Variants in TNK2 observed in about 807,000 individuals in gnomAD.
TNK2 encodes activated CDC42 kinase 1.
A neutral mutation model predicts 101.8 loss-of-function variants in TNK2; 83 were observed. The ratio of observed to expected loss-of-function variants is 0.82; its 90% CI spans 0.68 to 0.98. The LOEUF (loss-of-function observed/expected upper bound fraction) is 0.98, where lower values mean the gene tolerates loss of function less well. Ranked by LOEUF, TNK2 falls within the 50% of genes least tolerant of loss-of-function variation. TNK2 has a pLI of 0.00. For missense variants in TNK2, 1,665 were observed against 1,483.2 expected (o/e 1.12, Z -2.01); for synonymous variants, 804 against 633.0 (o/e 1.27, Z -4.06).
chr3:195,886,983 C>T lies in TNK2; in HGVS notation c.228G>A (p.Met76Ile). The T allele has an allele frequency of 1.2e-6, 2 of 1,601,632 alleles. No individual in the cohort carries two copies. The highest frequency in any genetic ancestry group is 1.7e-6 in the Non-Finnish European group (2 of 1,172,892). ...CACCCACCTCCTCACCCACCTTACT[C>T]ATCCACGACTTGCGTTTGCACAAGG... Reference protein sequence around the residue: ...RKALCKRKSWMSKVFSGKRLE... With the variant: ...RKALCKRKSWISKVFSGKRLE... The change falls in exon 3 of 16, where the codon ATG (methionine) becomes ATA (isoleucine). Residue 76 changes from methionine (M) to isoleucine (I), a missense_variant. Physicochemically the swap from Met to Ile is conservative, Grantham distance 10. Coordinates refer to ENST00000672887, the MANE Select transcript of TNK2 (RefSeq NM_001382273.1). The surrounding 1 kb of genome is among the most constrained non-coding windows in gnomAD (Gnocchi z 4.2).
chr3:195,866,472 G>A (rs1401036760), intron 15 of TNK2, among the ~76,000 whole-genome samples: 1 of 152,212 alleles, frequency 6.6e-6, no homozygotes, highest in Non-Finnish European at 1.5e-5. Context: ...CAGTGCTGGG[G>A]ATTACAGCCA....
chr3:195,881,942 A>G (rs1158143666), intron 6 of TNK2, 109 bp downstream of exon 6: 40 of 1,343,224 alleles, frequency 3.0e-5, no homozygotes, highest in Non-Finnish European at 3.7e-5. Flanking sequence ...TAGAACAGAC[A>G]AGGGCAGGCC....
chr3:195,871,933 C>CTCCCCTGGAGAACAT (rs1745636004), intron 10 of TNK2, among the ~76,000 whole-genome samples: 1 of 140,104 alleles, frequency 7.1e-6, no homozygotes, highest in Admixed American at 6.9e-5. Context: ...CTGGAGAACC[C>CTCCCCTGGAGAACAT]TCCCCTGGAG....
Position 195,888,746 on chromosome 3 carries a change from A to G in TNK2, c.-18-140T>C. ...CACCTTCTGACTCCCGAGGGAAGCT[A>G]CCGAGAACCGCCTGGACCCACGTCC... On this transcript the variant is annotated intron_variant, in intron 1 of 15. Coordinates refer to ENST00000672887, the MANE Select transcript of TNK2 (RefSeq NM_001382273.1). The surrounding 1 kb of genome is among the most constrained non-coding windows in gnomAD (Gnocchi z 5.3). 1 of 809,400 alleles carries G rather than the reference A, an allele frequency of 1.2e-6. No homozygotes were observed. Among genetic ancestry groups the G allele is most frequent in the Admixed American group, 3.0e-5 (1 of 33,448 alleles). 50.1% of individuals were successfully genotyped at this position (809,400 alleles called of 1,614,324 possible).
Position 195,863,484 on chromosome 3 carries a change from G to A in TNK2, c.*697C>T, listed in dbSNP as rs1738707806. The A allele has an allele frequency of 6.5e-6, 1 of 152,750 alleles. No homozygotes were observed. The highest frequency in any genetic ancestry group is 6.5e-5 in the Admixed American group (1 of 15,292). 9.5% of individuals were successfully genotyped at this position (152,750 alleles called of 1,614,324 possible). Reference sequence around the variant, plus strand: ...AACCGCGTGGGGGAATTGGGTGGAAGAGGAAGCACTGATGTCCCTCCAGGG... The same window carrying A: ...AACCGCGTGGGGGAATTGGGTGGAAAAGGAAGCACTGATGTCCCTCCAGGG... On this transcript the variant is annotated 3_prime_UTR_variant, in exon 16 of 16. Transcript: ENST00000672887.
chr3:195,865,522 A>G (rs1740129162), intron 15 of TNK2, among the ~76,000 whole-genome samples: 1 of 147,904 alleles, frequency 6.8e-6, no homozygotes, highest in Admixed American at 6.7e-5. Context: ...TGGGACAGAC[A>G]AGTGACACGG....
At chr3:195,871,100 G>A (rs1176738749) in intron 10 of TNK2, among the ~76,000 whole-genome samples, 1 of 152,086 alleles carries the variant, frequency 6.6e-6, no homozygotes, top group Admixed American at 6.5e-5. Flanking sequence ...GCAGACCAGA[G>A]TATCAGAAGT....
intron 15 of TNK2, among the ~76,000 whole-genome samples, chr3:195,865,546 C>T (rs1576972626): frequency 7.1e-6 from 1 of 141,612 alleles, no homozygotes; most frequent in East Asian, 2.1e-4. Context: ...GCCTGCATCC[C>T]AGGTGCAAAT....
At chr3:195,883,775 T>G (rs990442032) in intron 4 of TNK2, 2 of 157,054 alleles carry the variant, frequency 1.3e-5, no homozygotes, top group African/African-American at 4.8e-5. Context: ...CCACCACGCC[T>G]GGCTAATTTT....
intron 9 of TNK2, among the ~76,000 whole-genome samples, chr3:195,874,071 T>C (rs999038242): frequency 1.3e-5 from 2 of 152,070 alleles, no homozygotes; most frequent in Admixed American, 6.5e-5. Context: ...CGGCGGCCCG[T>C]AGAGGAGGAA....
At chr3:195,895,634 G>A in intron 1 of TNK2, 1 of 1,282,704 alleles carries the variant, frequency 7.8e-7, no homozygotes, top group Non-Finnish European at 9.8e-7. Context: ...GAGAGCCGGG[G>A]CTCTGCCTTC....
chr3:195,864,299 C>T (rs961871223), intron 15 of TNK2, 112 bp from the exon 16 acceptor site: 11 of 1,187,470 alleles, frequency 9.3e-6, no homozygotes, highest in South Asian at 1.3e-5. Flanking sequence ...TGGCAGTCCC[C>T]GGCAAGGACT....
At chr3:195,906,413 A>G (rs1190500784) in intron 1 of TNK2, among the ~76,000 whole-genome samples, 1 of 152,238 alleles carries the variant, frequency 6.6e-6, no homozygotes, top group Non-Finnish European at 1.5e-5. Context: ...CAACAGGTCA[A>G]TGGATAAACA....
chr3:195,869,580 A>C, intron 11 of TNK2, 39 bp from the exon 12 acceptor site: 1 of 1,547,578 alleles, frequency 6.5e-7, no homozygotes, highest in South Asian at 1.2e-5. Context: ...AGAGAGACGG[A>C]GCAGGACAGA....
intron 1 of TNK2, among the ~76,000 whole-genome samples, chr3:195,902,911 G>C (rs7634904): frequency 1.3e-5 from 2 of 150,822 alleles, no homozygotes; most frequent in Non-Finnish European, 3.0e-5. Context: ...CATCACACCC[G>C]GCTAATTTTT....
chr3:195,877,542 G>T (rs1043706507), intron 9 of TNK2, among the ~76,000 whole-genome samples: 1 of 152,142 alleles, frequency 6.6e-6, no homozygotes, highest in African/African-American at 2.4e-5. Context: ...CTTCTTCCTG[G>T]TCCTCAATAC....
chr3:195,898,071 C>T (rs1017065106), intron 1 of TNK2, among the ~76,000 whole-genome samples: 48 of 151,952 alleles, frequency 3.2e-4, no homozygotes, highest in Admixed American at 7.2e-4. Flanking sequence ...CCAAACTGGG[C>T]TCAGCATCAC....
chr3:195,869,608 G>T (rs141437423), intron 11 of TNK2, 67 bp from the exon 12 acceptor site: 5 of 1,477,194 alleles, frequency 3.4e-6, no homozygotes, highest in Admixed American at 2.0e-5. Context: ...GGAGGGAGAC[G>T]GCCGGACGAG....
chr3:195,884,864 C>A lies in TNK2; in HGVS notation c.404G>T (p.Gly135Val), dbSNP rs1338908388. Residue 135 changes from glycine to valine, a missense_variant, in exon 4 of 16, where the codon GGT becomes GTT. By Grantham distance (109) the Gly-to-Val change is moderately radical (BLOSUM62 -3). This residue lies in a region of TNK2 where 490 missense variants were observed against 522.5 expected (regional missense o/e 0.94). Coordinates refer to ENST00000672887, the MANE Select transcript of TNK2 (RefSeq NM_001382273.1). ...DLRLLEKLGD[G>V]SFGVVRRGEW... ...GCCCCTGCGCACCACGCCAAAGGAA[C>A]CATCACCCAGCTTCTCCAGGAGGCG... The A allele has an allele frequency of 6.2e-7, 1 of 1,613,596 alleles. No individual in the cohort carries two copies. The highest frequency in any genetic ancestry group is 8.5e-7 in the Non-Finnish European group (1 of 1,179,984).
Sources: allele counts gnomAD v4.1 joint callset (sites outside exome capture counted in the v4.1 genomes callset), GRCh38; gene constraint gnomAD v4.1.1; regional missense constraint gnomAD v4.1.1; non-coding constraint Gnocchi (gnomAD v3.1); transcripts MANE v1.5; gene names NCBI Gene and HGNC (gene_info 2026-07-23, HGNC 2026-07-21).